SGMS2: variants seen among roughly 807,000 people sequenced by gnomAD.
SGMS2 encodes the protein sphingomyelin synthase 2.
In SGMS2, 21 loss-of-function variants were observed where a neutral mutation model predicts 43.8. The observed-to-expected ratio is 0.48, with a 90% confidence interval of 0.34 to 0.69. SGMS2 has a LOEUF of 0.69. Among genes scored for constraint, SGMS2 ranks in the 30% least tolerant of loss-of-function variants. The probability of loss-of-function intolerance (pLI) is 0.01; values close to 1 mark genes in which losing one functional copy is unlikely to be tolerated. For missense variants in SGMS2, 384 were observed against 443.2 expected (o/e 0.87, Z 1.20); for synonymous variants, 167 against 160.6 (o/e 1.04, Z -0.30).
rs941602634 is a variant in SGMS2, at chr4:107,909,363, G to A, written c.894+632G>A. 5.9e-5 allele frequency among the ~76,000 whole-genome samples: 9 copies of A among 152,106 alleles called. No homozygotes were observed. The East Asian group carries it at 9.7e-4, about 16-fold the overall frequency. ...TGACCTCAGGTGATCCTCCCACCTC[G>A]GCCTCCCAAAGTGCCAGGATTATAG... On this transcript the variant is annotated intron_variant, in intron 6 of 6. Transcript: ENST00000690982.
rs72888929 is a variant in SGMS2, at chr4:107,870,630, A to G, written c.-245+12077A>G. Among the ~76,000 whole-genome samples, 568 of 152,268 alleles carry G rather than the reference A, an allele frequency of 3.7e-3. 5 individuals are homozygous for G. Among genetic ancestry groups the G allele is most frequent in the African/African-American group, 0.013 (543 of 41,556 alleles). The stretch of plus-strand genomic sequence containing the variant: ...AAAGTATAGATGCACGTTAACCAGA[A>G]TGTCATTTTTGGTTTCGTTTGGTTT... On this transcript the variant is annotated intron_variant, in intron 2 of 6. Transcript: ENST00000690982.
chr4:107,873,810 T>C (rs1462663845), intron 2 of SGMS2, among the ~76,000 whole-genome samples: 1 of 152,126 alleles, frequency 6.6e-6, no homozygotes, highest in Non-Finnish European at 1.5e-5. Flanking sequence ...TGGATTTTCA[T>C]CCAAATACTC....
chr4:107,880,809 G>A (rs1477702843), intron 2 of SGMS2, among the ~76,000 whole-genome samples: 13 of 148,998 alleles, frequency 8.7e-5, no homozygotes, highest in Non-Finnish European at 1.5e-4. Flanking sequence ...AGCCAAGATC[G>A]TGCCACTGCA....
chr4:107,866,599 CA>C (rs1191417207), intron 2 of SGMS2, among the ~76,000 whole-genome samples: 1 of 151,276 alleles, frequency 6.6e-6, no homozygotes, highest in African/African-American at 2.4e-5. Context: ...AAAAACAAAC[CA>C]AAAAAGTGTT....
chr4:107,869,761 A>C (rs1728414567), intron 2 of SGMS2, among the ~76,000 whole-genome samples: 1 of 152,214 alleles, frequency 6.6e-6, no homozygotes, highest in Non-Finnish European at 1.5e-5. Context: ...CAGATTAAAA[A>C]AAAAAGATTT....
chr4:107,841,832 G>C (rs78429425), intron 1 of SGMS2, among the ~76,000 whole-genome samples: 4,928 of 151,570 alleles, frequency 0.033, 271 homozygotes, highest in African/African-American at 0.11. Context: ...AATTTTTTTT[G>C]TAGAGATAGG....
chr4:107,856,032 G>C (rs534047007), intron 1 of SGMS2, among the ~76,000 whole-genome samples: 2 of 152,216 alleles, frequency 1.3e-5, no homozygotes, highest in African/African-American at 4.8e-5. Flanking sequence ...TGTCTCTGCA[G>C]TGATTTGCTA....
intron 2 of SGMS2, chr4:107,863,370 G>C (rs1727880872): frequency 6.6e-6 from 1 of 152,198 alleles, no homozygotes; most frequent in Non-Finnish European, 1.5e-5. Flanking sequence ...ACTGGCATCT[G>C]TCATAAACTC....
chr4:107,871,783 G>A (rs969352463), intron 2 of SGMS2, among the ~76,000 whole-genome samples: 2 of 152,060 alleles, frequency 1.3e-5, no homozygotes, highest in Admixed American at 6.6e-5. Flanking sequence ...ATTTAAAAAC[G>A]TCTGCATTGA....
At position 107,853,915 on chromosome 4, in the gene SGMS2, G is replaced by A. The variant is rs2126019583; in HGVS notation, c.-326-4557G>A. 2.0e-5 allele frequency among the ~76,000 whole-genome samples: 3 copies of A among 152,344 alleles called. No homozygotes were observed. In the South Asian group the frequency reaches 6.2e-4, roughly 32 times the overall value. Reference sequence around the variant, plus strand: ...AAAAAAGCTTCTCCAAGAATGCACAGGAGTTAGTTATAAATGCCATCTCTT... The same window carrying A: ...AAAAAAGCTTCTCCAAGAATGCACAAGAGTTAGTTATAAATGCCATCTCTT... On this transcript the variant is annotated intron_variant, in intron 1 of 6. Transcript: ENST00000690982.
Position 107,912,994 on chromosome 4 carries a change from G to C in SGMS2, c.*2441G>C, listed in dbSNP as rs1294948128. 1 of 152,050 alleles carries C rather than the reference G, an allele frequency of 6.6e-6. No homozygotes were observed. The highest frequency in any genetic ancestry group is 1.5e-5 in the Non-Finnish European group (1 of 68,010). The allele number at this position is 152,050 out of a possible 1,614,324, so 9.4% of individuals were successfully genotyped here. On this transcript the variant is annotated 3_prime_UTR_variant, in exon 7 of 7. Transcript: ENST00000690982. ...CATTTACATGTAGGAAAGAAAAGTT[G>C]AGCTTCAACCCAATGTGCCACTTTG...
intron 2 of SGMS2, among the ~76,000 whole-genome samples, chr4:107,885,951 G>C (rs1478493935): frequency 6.6e-6 from 1 of 152,140 alleles, no homozygotes; most frequent in East Asian, 1.9e-4. Flanking sequence ...GTAAAAATTA[G>C]CTGATGTGGA....
intron 2 of SGMS2, among the ~76,000 whole-genome samples, chr4:107,858,915 A>T (rs1342774191): frequency 6.6e-6 from 1 of 152,232 alleles, no homozygotes; most frequent in Non-Finnish European, 1.5e-5. Context: ...TGCCTTAAGA[A>T]AACAGAAAAT....
rs542646132 is a variant in SGMS2 at position 107,909,551 on chromosome 4, A to G, written c.895-799A>G. 3.8e-4 allele frequency among the ~76,000 whole-genome samples: 58 copies of G among 152,176 alleles called. 1 individual carries two copies. Among genetic ancestry groups the G allele is most frequent in the African/African-American group, 1.4e-3 (57 of 41,516 alleles). On this transcript the variant is annotated intron_variant, in intron 6 of 6. Coordinates refer to ENST00000690982, the MANE Select transcript of SGMS2 (RefSeq NM_001375905.1). ...GCTACTGCTGCTTCCTTGTTTCCAG[A>G]TGCCTTTTCTTTCTTCTCCCATTGA...
At chr4:107,835,195 G>A (rs187172874) in intron 1 of SGMS2, among the ~76,000 whole-genome samples, 20 of 152,124 alleles carry the variant, frequency 1.3e-4, no homozygotes, top group Admixed American at 1.2e-3. Context: ...TTAAAAAGTG[G>A]AATCAGAAAT....
chr4:107,840,527 T>C (rs978070082), intron 1 of SGMS2, among the ~76,000 whole-genome samples: 4 of 152,188 alleles, frequency 2.6e-5, no homozygotes, highest in African/African-American at 7.2e-5. Flanking sequence ...AAGGGTAGAC[T>C]AACAGCCACT....
At chr4:107,837,843 G>A (rs573413913) in intron 1 of SGMS2, among the ~76,000 whole-genome samples, 2 of 152,214 alleles carry the variant, frequency 1.3e-5, no homozygotes, top group South Asian at 2.1e-4. Flanking sequence ...ATGATATGTG[G>A]CATAACAGTA....
chr4:107,840,458 T>C (rs576277953), intron 1 of SGMS2, among the ~76,000 whole-genome samples: 1 of 152,326 alleles, frequency 6.6e-6, no homozygotes, highest in East Asian at 1.9e-4. Flanking sequence ...AATAGATTTC[T>C]TCTCCTAGAC....
At chr4:107,866,522 C>T (rs969827003) in intron 2 of SGMS2, among the ~76,000 whole-genome samples, 1 of 151,492 alleles carries the variant, frequency 6.6e-6, no homozygotes, top group African/African-American at 2.4e-5. Context: ...GCTGAGATCG[C>T]GCCATTGCAC....
Sources: gnomAD v4.1 joint callset for allele counts (sites outside exome capture counted in the v4.1 genomes callset) on GRCh38, gnomAD v4.1.1 for gene constraint, MANE v1.5 for transcripts, NCBI Gene and HGNC (gene_info 2026-07-23, HGNC 2026-07-21) for gene names.